Variants in CHRNA7 observed in about 807,000 individuals in gnomAD.
The protein encoded by CHRNA7 is neuronal acetylcholine receptor subunit alpha-7.
A neutral mutation model predicts 48.0 loss-of-function variants in CHRNA7; 17 were observed. The ratio of observed to expected loss-of-function variants is 0.35; its 90% CI spans 0.24 to 0.53. The LOEUF is 0.53. Ranked by LOEUF, CHRNA7 falls within the 20% of genes least tolerant of loss-of-function variation. CHRNA7 has a pLI of 0.92. For synonymous variants in CHRNA7, 75 were observed against 242.3 expected, an observed-to-expected ratio of 0.31 and a Z score of 6.41; for missense variants, 155 against 577.7, an observed-to-expected ratio of 0.27 and a Z score of 7.50.
At chr15:32,158,352 A>AGTGG (rs2051795434) in intron 6 of CHRNA7, 60 bp from the exon 7 acceptor site, 17 of 1,526,168 alleles carry the variant, frequency 1.1e-5, no homozygotes, top group Non-Finnish European at 1.5e-5. Flanking sequence ...ACACATTGAA[A>AGTGG]TAAACAGGGT....
intron 2 of CHRNA7, among the ~76,000 whole-genome samples, chr15:32,060,473 G>A (rs2049862059): frequency 6.6e-6 from 1 of 152,066 alleles, no homozygotes; most frequent in Non-Finnish European, 1.5e-5. Context: ...AATAGAAATA[G>A]GATATAAAGT....
At chr15:32,038,634 G>T (rs562638939) in intron 2 of CHRNA7, among the ~76,000 whole-genome samples, 2 of 152,306 alleles carry the variant, frequency 1.3e-5, no homozygotes, top group Admixed American at 1.3e-4. Flanking sequence ...CTCCTAAAGT[G>T]CTAGGATTGG....
At chr15:32,136,817 G>A (rs1416556606) in intron 4 of CHRNA7, among the ~76,000 whole-genome samples, 1 of 151,650 alleles carries the variant, frequency 6.6e-6, no homozygotes, top group African/African-American at 2.4e-5. Flanking sequence ...GGATCACGAG[G>A]TCAGGAGATC....
intron 2 of CHRNA7, among the ~76,000 whole-genome samples, chr15:32,032,373 T>G (rs885071): frequency 0.74 from 113,005 of 152,012 alleles, 43,106 homozygotes; most frequent in Non-Finnish European, 0.83. Flanking sequence ...GTGGGTTCTG[T>G]CTGTGTTGGT....
chr15:32,102,916 T>G (rs1272764955), intron 3 of CHRNA7: 4 of 152,258 alleles, frequency 2.6e-5, no homozygotes, highest in Non-Finnish European at 1.5e-5. Context: ...CCTTCAATTT[T>G]GTTGAAAACA....
rs193217670 is a variant in CHRNA7, at chr15:32,033,690, C to T, written c.195+2653C>T. On this transcript the variant is annotated intron_variant, in intron 2 of 9. Coordinates refer to ENST00000306901, the MANE Select transcript of CHRNA7 (RefSeq NM_000746.6). ...AGAGCCAGGTCTCTCCAGCTGAAAT[C>T]TCAGCGCTCTGGACAGAGACACAAT... Among the ~76,000 whole-genome samples, 266 of 152,324 alleles carry T rather than the reference C, an allele frequency of 1.7e-3. 1 individual carries two copies. Among genetic ancestry groups the T allele is most frequent in the Non-Finnish European group, 2.8e-3 (188 of 68,022 alleles).
intron 2 of CHRNA7, among the ~76,000 whole-genome samples, chr15:32,036,178 TAC>T (rs371923545): frequency 2.2e-3 from 331 of 152,346 alleles, no homozygotes; most frequent in African/African-American, 7.7e-3. Context: ...GTTGGAATCA[TAC>T]AGTCTGTAGC....
chr15:32,136,283 G>A (rs533438964), intron 4 of CHRNA7, among the ~76,000 whole-genome samples: 1 of 152,260 alleles, frequency 6.6e-6, no homozygotes, highest in Non-Finnish European at 1.5e-5. Context: ...CTGAGGTCAG[G>A]AGTTCGAGAC....
At position 32,030,661 on chromosome 15, in the gene CHRNA7, G is replaced by A. The variant is rs1403617763; in HGVS notation, c.55+12G>A. The A allele has an allele frequency of 1.9e-6, 3 of 1,571,128 alleles. No individual in the cohort carries two copies. Among genetic ancestry groups the A allele is most frequent in the East Asian group, 4.8e-5 (2 of 41,852 alleles). Reference sequence around the variant, plus strand: ...GTCGCTCCTGCACGGTAAAGCCACTGCCTCCCCGCCCTCCACTCCTCCGTG... The same window carrying A: ...GTCGCTCCTGCACGGTAAAGCCACTACCTCCCCGCCCTCCACTCCTCCGTG... On this transcript the variant is annotated intron_variant, in intron 1 of 9. Coordinates refer to ENST00000306901, the MANE Select transcript of CHRNA7 (RefSeq NM_000746.6).
intron 4 of CHRNA7, among the ~76,000 whole-genome samples, chr15:32,150,945 A>G (rs2051614011): frequency 6.7e-6 from 1 of 149,898 alleles, no homozygotes; most frequent in Non-Finnish European, 1.5e-5. Context: ...TTTTGGAAGT[A>G]AGGGGGGGGG....
intron 2 of CHRNA7, among the ~76,000 whole-genome samples, chr15:32,034,952 A>C (rs1902013771): frequency 6.6e-6 from 1 of 152,332 alleles, no homozygotes; most frequent in Non-Finnish European, 1.5e-5. Context: ...AGAGAAAGGT[A>C]ACGGACAAGG....
chr15:32,075,086 A>G (rs2050116987), intron 2 of CHRNA7, among the ~76,000 whole-genome samples: 1 of 152,230 alleles, frequency 6.6e-6, no homozygotes, highest in South Asian at 2.1e-4. Context: ...TGGTCATGGA[A>G]CATAATTTTT....
intron 2 of CHRNA7, among the ~76,000 whole-genome samples, chr15:32,079,811 T>A (rs993824384): frequency 2.0e-5 from 3 of 151,898 alleles, no homozygotes; most frequent in Non-Finnish European, 4.4e-5. Flanking sequence ...AAAATTCATA[T>A]TGAACCAAAA....
At position 32,114,811 on chromosome 15, in the gene CHRNA7, G is replaced by A. The variant is rs149286090; in HGVS notation, c.350+2912G>A. Among the ~76,000 whole-genome samples the A allele has an allele frequency of 3.5e-3, 534 of 152,340 alleles. 4 individuals carry two copies. The highest frequency in any genetic ancestry group is 0.012 in the African/African-American group (516 of 41,584). On this transcript the variant is annotated intron_variant, in intron 4 of 9. Coordinates refer to ENST00000306901, the MANE Select transcript of CHRNA7 (RefSeq NM_000746.6). ...GATGCCGTGGGCTGTCCAGGCCCATGTGGCTGGTTGTCTCTTTCACGTGGC... is the reference window on the plus strand; with the variant it reads ...GATGCCGTGGGCTGTCCAGGCCCATATGGCTGGTTGTCTCTTTCACGTGGC...
At chr15:32,049,843 T>A (rs2049632222) in intron 2 of CHRNA7, among the ~76,000 whole-genome samples, 1 of 152,104 alleles carries the variant, frequency 6.6e-6, no homozygotes, top group South Asian at 2.1e-4. Flanking sequence ...GCAGGCCTGG[T>A]GGTGACAAAA....
chr15:32,081,665 G>A (rs2050217495), intron 2 of CHRNA7, among the ~76,000 whole-genome samples: 1 of 151,986 alleles, frequency 6.6e-6, no homozygotes, highest in South Asian at 2.1e-4. Context: ...ATCCTCTCCT[G>A]TAGTTACCTT....
chr15:32,100,693 A>G (rs1189965005), intron 2 of CHRNA7: 4 of 154,486 alleles, frequency 2.6e-5, no homozygotes, highest in Non-Finnish European at 5.9e-5. Context: ...CCTTTAGTTT[A>G]TCACCTGGGT....
intron 2 of CHRNA7, among the ~76,000 whole-genome samples, chr15:32,071,553 G>A (rs72713562): frequency 0.084 from 12,790 of 152,170 alleles, 713 homozygotes; most frequent in African/African-American, 0.14. Flanking sequence ...CCCAGTATTG[G>A]AGGTGGGGCC....
At chr15:32,059,465 T>C (rs1367545628) in intron 2 of CHRNA7, among the ~76,000 whole-genome samples, 5 of 152,200 alleles carry the variant, frequency 3.3e-5, no homozygotes, top group Admixed American at 3.3e-4. Context: ...GATTGGCTCC[T>C]GCATTGTTTT....
Sources: gnomAD v4.1 joint callset for allele counts (sites outside exome capture counted in the v4.1 genomes callset) on GRCh38, gnomAD v4.1.1 for gene constraint, MANE v1.5 for transcripts, NCBI Gene and HGNC (gene_info 2026-07-23, HGNC 2026-07-21) for gene names.